KCNH5: variants seen among roughly 807,000 people sequenced by gnomAD.
KCNH5 encodes potassium voltage-gated channel subfamily H member 5, also known as voltage-gated delayed rectifier potassium channel KCNH5.
A neutral mutation model predicts 96.1 loss-of-function variants in KCNH5; 46 were observed. That is an observed-to-expected ratio of 0.48 (90% CI 0.38 to 0.61). The LOEUF (loss-of-function observed/expected upper bound fraction) is 0.61. Ranked by LOEUF, KCNH5 falls within the 20% of genes least tolerant of loss-of-function variation. The pLI is 0.00. For missense variants in KCNH5, 907 were observed against 1,225.8 expected, an observed-to-expected ratio of 0.74 and a Z score of 3.88; for synonymous variants, 439 against 449.8, an observed-to-expected ratio of 0.98 and a Z score of 0.30.
chr14:62,816,585 T>G (rs1886983508), intron 8 of KCNH5, among the ~76,000 whole-genome samples: 1 of 152,000 alleles, frequency 6.6e-6, no homozygotes, highest in South Asian at 2.1e-4. Context: ...CCTCAGGAAT[T>G]TAGTCCTCTG....
intron 8 of KCNH5, among the ~76,000 whole-genome samples, chr14:62,823,759 T>G (rs1194962641): frequency 6.6e-6 from 1 of 152,118 alleles, no homozygotes; most frequent in Non-Finnish European, 1.5e-5. Flanking sequence ...AATCTTAAAA[T>G]TGGCATTCAT....
At chr14:63,015,750 G>A (rs185740826) in intron 2 of KCNH5, among the ~76,000 whole-genome samples, 30 of 151,836 alleles carry the variant, frequency 2.0e-4, no homozygotes, top group South Asian at 1.9e-3. Context: ...TAAAAAGTCA[G>A]CCCTCTGTAC....
At chr14:62,921,492 T>C (rs551940293) in intron 7 of KCNH5, among the ~76,000 whole-genome samples, 2 of 152,144 alleles carry the variant, frequency 1.3e-5, no homozygotes, top group South Asian at 2.1e-4. Flanking sequence ...CACCTAGAAA[T>C]TGAATGTGAT....
intron 7 of KCNH5, among the ~76,000 whole-genome samples, chr14:62,903,245 C>A (rs887107109): frequency 6.6e-6 from 1 of 152,114 alleles, no homozygotes; most frequent in Non-Finnish European, 1.5e-5. Flanking sequence ...ACTTCTCAAA[C>A]CACAACCTTC....
chr14:62,799,708 T>TATATATAC, intron 9 of KCNH5, among the ~76,000 whole-genome samples: 1 of 106,146 alleles, frequency 9.4e-6, no homozygotes, highest in Admixed American at 1.0e-4. Flanking sequence ...TATATATATA[T>TATATATAC]ATATATATAT....
chr14:62,896,830 T>C (rs1165505413), intron 7 of KCNH5, among the ~76,000 whole-genome samples: 2 of 152,190 alleles, frequency 1.3e-5, no homozygotes, highest in Non-Finnish European at 2.9e-5. Context: ...TTGTCAAAGA[T>C]TGTGTATGTA....
intron 10 of KCNH5, among the ~76,000 whole-genome samples, chr14:62,737,714 A>C (rs1167201869): frequency 6.6e-6 from 1 of 152,206 alleles, no homozygotes; most frequent in Non-Finnish European, 1.5e-5. Context: ...CTTCCTGAAA[A>C]TAGGCTCTAA....
intron 6 of KCNH5, among the ~76,000 whole-genome samples, chr14:62,955,563 C>T (rs1890088220): frequency 6.6e-6 from 1 of 152,202 alleles, no homozygotes; most frequent in Non-Finnish European, 1.5e-5. Flanking sequence ...GGCAGTCTGT[C>T]TCCAGAATTT....
At position 62,708,275 on chromosome 14, in the gene KCNH5, G is replaced by C. The variant is rs375453221; in HGVS notation, c.2200C>G (p.Leu734Val). 1 of 1,614,192 alleles carries C rather than the reference G, an allele frequency of 6.2e-7. No homozygotes were observed. The highest frequency in any genetic ancestry group is 1.1e-5 in the South Asian group (1 of 91,092). Residue 734 changes from leucine to valine, a missense_variant, in exon 11 of 11, where the codon CTC (leucine) becomes GTC (valine). Physicochemically the swap from Leu to Val is conservative, Grantham distance 32. This residue lies in a region of KCNH5 where 362 missense variants were observed against 394.4 expected (regional missense o/e 0.92). Transcript: ENST00000322893. Reference protein sequence around the residue: ...STQGDPERNQLQVESRSLQNG... With the variant: ...STQGDPERNQVQVESRSLQNG... ...TGTAAGGAGCGGCTCTCTACCTGGAGTTGGTTCCTCTCAGGGTCACCCTGT... is the reference window on the plus strand; with the variant it reads ...TGTAAGGAGCGGCTCTCTACCTGGACTTGGTTCCTCTCAGGGTCACCCTGT...
At chr14:62,892,913 C>T (rs751019027) in intron 7 of KCNH5, among the ~76,000 whole-genome samples, 9 of 152,054 alleles carry the variant, frequency 5.9e-5, no homozygotes, top group Non-Finnish European at 8.8e-5. Context: ...CACCTGGTCA[C>T]CTAAGAGCTG....
chr14:62,915,918 G>C (rs967440888), intron 7 of KCNH5, among the ~76,000 whole-genome samples: 4 of 151,726 alleles, frequency 2.6e-5, no homozygotes, highest in African/African-American at 9.7e-5. Context: ...ATAGTAAGTG[G>C]CTTAGCCAGG....
chr14:63,017,406 T>G (rs1044534709), intron 1 of KCNH5, among the ~76,000 whole-genome samples: 1 of 152,046 alleles, frequency 6.6e-6, no homozygotes, highest in Non-Finnish European at 1.5e-5. Context: ...ATTGCTGACA[T>G]GATGGAACAA....
intron 9 of KCNH5, among the ~76,000 whole-genome samples, chr14:62,799,079 T>C (rs181015763): frequency 6.6e-6 from 1 of 152,262 alleles, no homozygotes; most frequent in East Asian, 1.9e-4. Context: ...TTAAACATGA[T>C]GGCTTTTGGC....
intron 9 of KCNH5, among the ~76,000 whole-genome samples, chr14:62,794,719 T>C (rs899176615): frequency 2.0e-5 from 3 of 152,064 alleles, no homozygotes; most frequent in African/African-American, 7.2e-5. Context: ...TCAAAAGGTA[T>C]CTGTTGGCTT....
intron 10 of KCNH5, among the ~76,000 whole-genome samples, chr14:62,771,574 G>A (rs551828285): frequency 9.2e-5 from 14 of 152,138 alleles, no homozygotes; most frequent in Non-Finnish European, 1.8e-4. Flanking sequence ...GCAGTGAGCC[G>A]AGATCGTGCC....
At chr14:62,868,856 G>A (rs1888191777) in intron 7 of KCNH5, among the ~76,000 whole-genome samples, 1 of 152,170 alleles carries the variant, frequency 6.6e-6, no homozygotes, top group South Asian at 2.1e-4. Context: ...TCCCTGCAAA[G>A]GACATGAACT....
chr14:62,775,581 C>A (rs1048344781), intron 10 of KCNH5, among the ~76,000 whole-genome samples: 1 of 152,146 alleles, frequency 6.6e-6, no homozygotes, highest in African/African-American at 2.4e-5. Context: ...ATAAATCCTG[C>A]CTTACTCTTT....
chr14:62,984,761 G>T (rs1441715073), intron 5 of KCNH5, among the ~76,000 whole-genome samples: 1 of 141,654 alleles, frequency 7.1e-6, no homozygotes, highest in Non-Finnish European at 1.6e-5. Context: ...ACAGAGCAAA[G>T]AAAAAAAAAA....
chr14:63,039,433 T>C (rs191309817), intron 1 of KCNH5, among the ~76,000 whole-genome samples: 1 of 152,192 alleles, frequency 6.6e-6, no homozygotes, highest in East Asian at 1.9e-4. Flanking sequence ...AAACTATCTT[T>C]TGATAAAATT....
Sources: gnomAD v4.1 joint callset for allele counts (sites outside exome capture counted in the v4.1 genomes callset) on GRCh38, gnomAD v4.1.1 for gene constraint, gnomAD v4.1.1 regional missense constraint, MANE v1.5 for transcripts, NCBI Gene and HGNC (gene_info 2026-07-23, HGNC 2026-07-21) for gene names.